Variants in GRIN2D observed in about 807,000 individuals in gnomAD.
GRIN2D encodes the protein glutamate receptor ionotropic, NMDA 2D.
A neutral mutation model predicts 103.2 loss-of-function variants in GRIN2D; 37 were observed. That is an observed-to-expected ratio of 0.36 (90% CI 0.28 to 0.47). The LOEUF is 0.47. Ranked by LOEUF, GRIN2D falls within the 20% of genes least tolerant of loss-of-function variation. GRIN2D has a pLI of 1.00. For synonymous variants in GRIN2D, 845 were observed against 885.6 expected, an observed-to-expected ratio of 0.95 and a Z score of 0.81; for missense variants, 1,557 against 1,910.6, an observed-to-expected ratio of 0.81 and a Z score of 3.45.
intron 3 of GRIN2D, among the ~76,000 whole-genome samples, chr19:48,400,973 G>A (rs1970704104): frequency 2.0e-5 from 3 of 152,058 alleles, no homozygotes; most frequent in East Asian, 3.9e-4. Context: ...GGCTGAGGCA[G>A]GAGTAATCGC....
intron 4 of GRIN2D, among the ~76,000 whole-genome samples, chr19:48,412,465 GAAA>G (rs1970881066): frequency 6.7e-6 from 1 of 148,744 alleles, no homozygotes; most frequent in Non-Finnish European, 1.5e-5. Flanking sequence ...AAGAAAGAAA[GAAA>G]GAAAGAAAGA....
Position 48,418,355 on chromosome 19 carries a change from A to G in GRIN2D, c.1736-879A>G, listed in dbSNP as rs191403984. Among the ~76,000 whole-genome samples the G allele has an allele frequency of 4.7e-3, 718 of 152,102 alleles. 6 individuals carry two copies. Among genetic ancestry groups the G allele is most frequent in the Non-Finnish European group, 8.2e-3 (555 of 67,958 alleles). Reference sequence around the variant, plus strand: ...GCCACCTGTGAGTTTTGAGTAAAGCATGGGTGCTTGAGAGAGTGATCAGGA... The same window carrying G: ...GCCACCTGTGAGTTTTGAGTAAAGCGTGGGTGCTTGAGAGAGTGATCAGGA... On this transcript the variant is annotated intron_variant, in intron 8 of 13. Coordinates refer to ENST00000263269, the MANE Select transcript of GRIN2D (RefSeq NM_000836.4).
At chr19:48,413,532 C>T (rs766552591) in intron 4 of GRIN2D, among the ~76,000 whole-genome samples, 1 of 150,352 alleles carries the variant, frequency 6.7e-6, no homozygotes, top group African/African-American at 2.5e-5. Context: ...CATGGTGGTG[C>T]ATGTCTATAA....
Position 48,404,399 on chromosome 19 carries a change from A to G in GRIN2D, c.466-335A>G, listed in dbSNP as rs377367014. Among the ~76,000 whole-genome samples the G allele has an allele frequency of 1.9e-3, 283 of 152,224 alleles. 12 individuals are homozygous for G. In the South Asian group the frequency reaches 0.057, roughly 30 times the overall value. ...AAGGTTTTATTAGGCTGGGCACGGC[A>G]GGAGAATCACTTGAACCCAGGAGGC... On this transcript the variant is annotated intron_variant, in intron 3 of 13. Coordinates refer to ENST00000263269, the MANE Select transcript of GRIN2D (RefSeq NM_000836.4).
At chr19:48,402,524 T>G (rs1001653705) in intron 3 of GRIN2D, among the ~76,000 whole-genome samples, 3 of 151,348 alleles carry the variant, frequency 2.0e-5, no homozygotes, top group African/African-American at 7.3e-5. Flanking sequence ...GAGACCATCC[T>G]GGCTAACAAG....
chr19:48,426,982 G>A (rs747361098), intron 11 of GRIN2D, among the ~76,000 whole-genome samples: 13 of 152,040 alleles, frequency 8.6e-5, no homozygotes, highest in African/African-American at 3.1e-4. Context: ...GGAACTACCC[G>A]GTCATAGGGA....
At chr19:48,404,617 G>T (rs971931885) in intron 3 of GRIN2D, 117 bp from the exon 4 acceptor site, 16 of 987,362 alleles carry the variant, frequency 1.6e-5, no homozygotes, top group Non-Finnish European at 1.9e-5. Flanking sequence ...AAAGGAGATG[G>T]GTTTAGTGAA....
intron 8 of GRIN2D, among the ~76,000 whole-genome samples, chr19:48,416,933 C>T (rs890979577): frequency 3.3e-5 from 5 of 151,980 alleles, no homozygotes; most frequent in Non-Finnish European, 5.9e-5. Flanking sequence ...TTAGTAGAGA[C>T]GGGGTTTCAC....
At position 48,398,838 on chromosome 19, in the gene GRIN2D, C is replaced by G. The variant is rs935135704; in HGVS notation, c.446C>G (p.Ala149Gly). The G allele has an allele frequency of 7.2e-7, 1 of 1,384,334 alleles. No homozygotes were observed. The highest frequency in any genetic ancestry group is 9.3e-7 in the Non-Finnish European group (1 of 1,069,676). The allele number at this position is 1,384,334 out of a possible 1,614,324, so 85.8% of individuals were successfully genotyped here. A position where few individuals can be genotyped will look rare whatever the true frequency, so the allele number is the denominator to read the frequency against. Residue 149 changes from alanine to glycine, a missense_variant, in exon 3 of 14, where the codon GCG becomes GGG. By Grantham distance (60) the Ala-to-Gly change is moderately conservative. Transcript: ENST00000263269. The part of the protein sequence containing the change: ...LPIVAVHGGA[A>G]LVLTPKEKGS... ...ATCGTGGCCGTGCACGGCGGCGCCG[C>G]GCTCGTGCTCACGCCCAAGGTGCGC...
intron 2 of GRIN2D, among the ~76,000 whole-genome samples, chr19:48,397,886 ATCCACCCTCG>A (rs1378820264): frequency 2.1e-5 from 3 of 145,016 alleles, no homozygotes; most frequent in Admixed American, 1.4e-4. Context: ...TGACCCCATT[ATCCACCCTCG>A]TCTTTGCGTC....
chr19:48,411,389 C>A (rs929597133), intron 4 of GRIN2D, among the ~76,000 whole-genome samples: 2 of 151,230 alleles, frequency 1.3e-5, no homozygotes, highest in Admixed American at 6.6e-5. Context: ...TGGTGGCTCA[C>A]GCCTGTAATC....
chr19:48,420,252 C>T (rs1258246109), intron 10 of GRIN2D, among the ~76,000 whole-genome samples: 1 of 151,258 alleles, frequency 6.6e-6, no homozygotes, highest in Non-Finnish European at 1.5e-5. Context: ...CACGGTGAAA[C>T]CCCGTCTCTT....
chr19:48,398,828 G>A lies in GRIN2D; in HGVS notation c.436G>A (p.Gly146Ser). 1 of 1,408,180 alleles carries A rather than the reference G, an allele frequency of 7.1e-7. No individual in the cohort carries two copies. The highest frequency in any genetic ancestry group is 9.2e-7 in the Non-Finnish European group (1 of 1,082,822). 87.2% of individuals were successfully genotyped at this position (1,408,180 alleles called of 1,614,324 possible). Residue 146 changes from glycine (G) to serine (S), a missense_variant, in exon 3 of 14, where the codon GGC (glycine) becomes AGC (serine). This residue lies in a region of GRIN2D where 490 missense variants were observed against 601.1 expected (regional missense o/e 0.82). Transcript: ENST00000263269. The part of the protein sequence containing the change: ...QTSLPIVAVH[G>S]GAALVLTPKE... The stretch of plus-strand genomic sequence containing the variant: ...CTCGCTGCCCATCGTGGCCGTGCAC[G>A]GCGGCGCCGCGCTCGTGCTCACGCC...
At chr19:48,395,143 A>G (rs1026226225) in intron 2 of GRIN2D, among the ~76,000 whole-genome samples, 4 of 151,094 alleles carry the variant, frequency 2.6e-5, no homozygotes, top group African/African-American at 9.8e-5. Flanking sequence ...CTGAGTCCCT[A>G]CACCTCAGAC....
chr19:48,396,350 C>T (rs1303753364), intron 2 of GRIN2D, among the ~76,000 whole-genome samples: 2 of 151,886 alleles, frequency 1.3e-5, no homozygotes, highest in African/African-American at 4.8e-5. Flanking sequence ...ATGCAGCCCC[C>T]GTGAGAAGGG....
rs530792863 is a variant in GRIN2D at position 48,426,605 on chromosome 19, G to A, written c.2252+4660G>A. Among the ~76,000 whole-genome samples, 5 of 148,428 alleles carry A rather than the reference G, an allele frequency of 3.4e-5. No homozygotes were observed. In the South Asian group the frequency reaches 1.1e-3, roughly 31 times the overall value. On this transcript the variant is annotated intron_variant, in intron 11 of 13. Transcript: ENST00000263269. ...TTTTATTTATTTATTTATTTTTTCA[G>A]ACAGAGTTTTCCTCTGTTGCCCAGA...
intron 4 of GRIN2D, among the ~76,000 whole-genome samples, chr19:48,408,839 G>GAA (rs1970821907): frequency 6.6e-6 from 1 of 150,472 alleles, no homozygotes. Flanking sequence ...AAAAAAGAGA[G>GAA]AAAGAAAGAA....
At chr19:48,436,092 C>T (rs550724963) in intron 11 of GRIN2D, among the ~76,000 whole-genome samples, 5 of 152,002 alleles carry the variant, frequency 3.3e-5, no homozygotes, top group African/African-American at 7.2e-5. Flanking sequence ...TAGACAGAGC[C>T]GATTTATCAA....
At chr19:48,440,968 C>T (rs950329879) in intron 11 of GRIN2D, among the ~76,000 whole-genome samples, 15 of 152,188 alleles carry the variant, frequency 9.9e-5, no homozygotes, top group African/African-American at 3.4e-4. Context: ...GGATTACAGC[C>T]ATGAGCTACC....
Sources: gnomAD v4.1 joint callset for allele counts (sites outside exome capture counted in the v4.1 genomes callset) on GRCh38, gnomAD v4.1.1 for gene constraint, gnomAD v4.1.1 regional missense constraint, MANE v1.5 for transcripts, NCBI Gene and HGNC (gene_info 2026-07-23, HGNC 2026-07-21) for gene names.